The following PSMA8 variants were observed in gnomAD, a reference collection of about 807,000 sequenced individuals.
PSMA8 encodes the protein proteasome subunit alpha-type 8.
A neutral mutation model predicts 32.4 loss-of-function variants in PSMA8; 18 were observed. The ratio of observed to expected loss-of-function variants is 0.56; its 90% confidence interval spans 0.38 to 0.82. The LOEUF is 0.82. PSMA8 is among the 40% of genes least tolerant of loss of function. The pLI, the probability that PSMA8 is intolerant of heterozygous loss-of-function variation, is 0.00. For missense variants in PSMA8, 298 were observed against 300.7 expected, an observed-to-expected ratio of 0.99 and a Z score of 0.07; for synonymous variants, 104 against 98.1, an observed-to-expected ratio of 1.06 and a Z score of -0.36.
chr18:26,156,220 A>AC (rs1193653800), intron 3 of PSMA8, among the ~76,000 whole-genome samples: 2 of 152,326 alleles, frequency 1.3e-5, no homozygotes, highest in East Asian at 3.9e-4. Flanking sequence ...ATTAATACAG[A>AC]CATTATGGAA....
chr18:26,181,682 C>T (rs958753498), intron 6 of PSMA8, among the ~76,000 whole-genome samples: 18 of 152,174 alleles, frequency 1.2e-4, no homozygotes, highest in Non-Finnish European at 1.9e-4. Flanking sequence ...CAAGGGAACA[C>T]GTGAATGATA....
chr18:26,172,236 A>G (rs1440338576), intron 4 of PSMA8, among the ~76,000 whole-genome samples: 1 of 152,252 alleles, frequency 6.6e-6, no homozygotes, highest in African/African-American at 2.4e-5. Flanking sequence ...GGAGTTCCCA[A>G]TAATTTTTAA....
At chr18:26,159,623 A>G (rs2055119420) in intron 4 of PSMA8, among the ~76,000 whole-genome samples, 1 of 152,034 alleles carries the variant, frequency 6.6e-6, no homozygotes, top group Non-Finnish European at 1.5e-5. Context: ...CCAGGTTTAC[A>G]TAATTTTTCG....
At chr18:26,163,293 G>C (rs2055153762) in intron 4 of PSMA8, among the ~76,000 whole-genome samples, 2 of 136,754 alleles carry the variant, frequency 1.5e-5, no homozygotes, top group African/African-American at 2.8e-5. Flanking sequence ...ACAGGGTTAG[G>C]AGGATAGAGA....
At chr18:26,157,936 T>C (rs1462101513) in intron 3 of PSMA8, among the ~76,000 whole-genome samples, 186 bp from the exon 4 acceptor site, 1 of 152,230 alleles carries the variant, frequency 6.6e-6, no homozygotes, top group African/African-American at 2.4e-5. Context: ...GTATAGACTG[T>C]ATAGCATAAT....
At position 26,192,457 on chromosome 18, in the gene PSMA8, A is replaced by G. The variant is rs1435623951; in HGVS notation, c.*46A>G. On this transcript the variant is annotated 3_prime_UTR_variant, in exon 7 of 7. Transcript: ENST00000415576. ...AGGTCTTAATGTTTTGTTTTATTGT[A>G]CTGCCTGAGGTTGTTTAGTGAAATT... The G allele has an allele frequency of 6.7e-7, 1 of 1,500,912 alleles. No homozygotes were observed. 93.0% of individuals were successfully genotyped at this position (1,500,912 alleles called of 1,614,324 possible).
rs1178282711 is a variant in PSMA8, at chr18:26,184,291, A to G, written c.660+5161A>G. On this transcript the variant is annotated intron_variant, in intron 6 of 6. Transcript: ENST00000415576. ...GCTGTATCTTTTTACCTTAGATGAA[A>G]AATTTAAAAAGAACGTAAAGAATGT... Among the ~76,000 whole-genome samples, 3 of 150,842 alleles carry G rather than the reference A, an allele frequency of 2.0e-5. 1 individual carries two copies. The East Asian group carries it at 5.9e-4, about 30-fold the overall frequency.
chr18:26,184,627 A>G (rs2055337985), intron 6 of PSMA8, among the ~76,000 whole-genome samples: 1 of 149,462 alleles, frequency 6.7e-6, no homozygotes, highest in Non-Finnish European at 1.5e-5. Flanking sequence ...ATAAAAAATT[A>G]GCCGGGCATG....
chr18:26,159,151 AT>A (rs2144308904), intron 4 of PSMA8, among the ~76,000 whole-genome samples: 1 of 152,352 alleles, frequency 6.6e-6, no homozygotes, highest in South Asian at 2.1e-4. Context: ...CAGATTTTAA[AT>A]AGTTTTCTAC....
At chr18:26,150,119 C>T (rs76985394) in intron 2 of PSMA8, among the ~76,000 whole-genome samples, 2 of 152,132 alleles carry the variant, frequency 1.3e-5, no homozygotes, top group African/African-American at 4.8e-5. Context: ...TTTTGATTTT[C>T]AGATTAGGGA....
chr18:26,137,742 T>G (rs2144265866), intron 1 of PSMA8, among the ~76,000 whole-genome samples: 1 of 152,310 alleles, frequency 6.6e-6, no homozygotes, highest in South Asian at 2.1e-4. Flanking sequence ...ATTCGATCCC[T>G]GTCCTTAGAG....
intron 6 of PSMA8, among the ~76,000 whole-genome samples, chr18:26,192,021 G>A (rs2055407498): frequency 6.6e-6 from 1 of 152,072 alleles, no homozygotes; most frequent in Non-Finnish European, 1.5e-5. Flanking sequence ...ATAAAATTAA[G>A]CCTCGCATTA....
intron 4 of PSMA8, among the ~76,000 whole-genome samples, chr18:26,164,307 G>A (rs967621954): frequency 1.3e-5 from 2 of 152,152 alleles, no homozygotes; most frequent in African/African-American, 2.4e-5. Context: ...TAAAAGAAAA[G>A]GGGAGAGGGA....
intron 1 of PSMA8, among the ~76,000 whole-genome samples, chr18:26,134,414 A>G (rs930316354): frequency 6.6e-6 from 1 of 151,378 alleles, no homozygotes; most frequent in African/African-American, 2.4e-5. Flanking sequence ...GTGATTGACA[A>G]TAGGGAAAGC....
At position 26,168,464 on chromosome 18, in the gene PSMA8, T is replaced by C. The variant is rs1299674760; in HGVS notation, c.477+10220T>C. Among the ~76,000 whole-genome samples, 32 of 121,410 alleles carry C rather than the reference T, an allele frequency of 2.6e-4. 6 individuals carry two copies. The highest frequency in any genetic ancestry group is 1.2e-3 in the African/African-American group (28 of 22,710). The allele number at this position is 121,410 out of a possible 152,430, so 79.6% of individuals were successfully genotyped here. A position where few individuals can be genotyped will look rare whatever the true frequency, so the allele number is the denominator to read the frequency against. Reference sequence around the variant, plus strand: ...TGTACTTCTTTCTGCCCTAGAATGATTGCCTAACCAACCCTTTCCCCTTGT... The same window carrying C: ...TGTACTTCTTTCTGCCCTAGAATGACTGCCTAACCAACCCTTTCCCCTTGT... On this transcript the variant is annotated intron_variant, in intron 4 of 6. Coordinates refer to ENST00000415576, the MANE Select transcript of PSMA8 (RefSeq NM_001025096.2).
intron 6 of PSMA8, among the ~76,000 whole-genome samples, chr18:26,190,926 A>G (rs1018083212): frequency 6.6e-6 from 1 of 152,206 alleles, no homozygotes; most frequent in African/African-American, 2.4e-5. Flanking sequence ...TTCCACTTTC[A>G]GAGCCCATGG....
chr18:26,182,195 C>T (rs2055317653), intron 6 of PSMA8, among the ~76,000 whole-genome samples: 1 of 152,190 alleles, frequency 6.6e-6, no homozygotes. Flanking sequence ...GGAGAAGCTG[C>T]AGCAAGTTAT....
chr18:26,176,590 A>C (rs2055265545), intron 4 of PSMA8, among the ~76,000 whole-genome samples: 1 of 152,178 alleles, frequency 6.6e-6, no homozygotes, highest in African/African-American at 2.4e-5. Flanking sequence ...GTGTGTTTTC[A>C]TGTTTATGTC....
chr18:26,178,776 C>G, intron 4 of PSMA8, 54 bp from the exon 5 acceptor site: 2 of 1,524,388 alleles, frequency 1.3e-6, no homozygotes, highest in South Asian at 2.4e-5. Flanking sequence ...ACTTAGTAAC[C>G]ATAAATTCAT....
Sources: gnomAD v4.1 joint callset for allele counts (sites outside exome capture counted in the v4.1 genomes callset) on GRCh38, gnomAD v4.1.1 for gene constraint, MANE v1.5 for transcripts, NCBI Gene and HGNC (gene_info 2026-07-23, HGNC 2026-07-21) for gene names.